Variants in IRS1 observed in about 807,000 individuals in gnomAD.
IRS1 encodes insulin receptor substrate 1.
A neutral mutation model predicts 65.6 loss-of-function variants in IRS1; 34 were observed. The observed-to-expected ratio is 0.52, with a 90% CI of 0.39 to 0.69. IRS1 has a LOEUF of 0.69. IRS1 is among the 30% of genes least tolerant of loss of function. IRS1 has a pLI of 0.00. For missense variants in IRS1, 1,641 were observed against 1,720.2 expected (o/e 0.95, Z 0.81); for synonymous variants, 699 against 683.5 (o/e 1.02, Z -0.35).
At position 226,799,036 on chromosome 2, in the gene IRS1, C is replaced by T. The variant is rs186741700; in HGVS notation, c.-298G>A. On this transcript the variant is annotated 5_prime_UTR_variant, in exon 1 of 2. Coordinates refer to ENST00000305123, the MANE Select transcript of IRS1 (RefSeq NM_005544.3). The surrounding 1 kb of genome is among the most constrained non-coding windows in gnomAD (Gnocchi z 6.1). Reference sequence around the variant, plus strand: ...TCCGAGAGCCAAGTCTCCTCTCAGCCGCCGCCGCCACCAGGAAGGAGCGAA... The same window carrying T: ...TCCGAGAGCCAAGTCTCCTCTCAGCTGCCGCCGCCACCAGGAAGGAGCGAA... The T allele has an allele frequency of 1.5e-4, 208 of 1,357,974 alleles. 4 individuals are homozygous for T. In the East Asian group the frequency reaches 2.1e-3, roughly 14 times the overall value. The allele number at this position is 1,357,974 out of a possible 1,614,324, so 84.1% of individuals were successfully genotyped here. A position where few individuals can be genotyped will look rare whatever the true frequency, so the allele number is the denominator to read the frequency against.
At chr2:226,767,498 A>C (rs772532999) in intron 1 of IRS1, among the ~76,000 whole-genome samples, 5 of 152,320 alleles carry the variant, frequency 3.3e-5, no homozygotes, top group Non-Finnish European at 7.4e-5. Context: ...GCCCTTAGCC[A>C]TTCTTTATAG....
At chr2:226,777,664 T>C (rs1939299722) in intron 1 of IRS1, among the ~76,000 whole-genome samples, 2 of 152,182 alleles carry the variant, frequency 1.3e-5, no homozygotes, top group Non-Finnish European at 2.9e-5. Flanking sequence ...CTCATGATAG[T>C]GAATGAGTCT....
intron 1 of IRS1, among the ~76,000 whole-genome samples, chr2:226,751,610 G>T (rs769584452): frequency 6.6e-6 from 1 of 151,990 alleles, no homozygotes; most frequent in Non-Finnish European, 1.5e-5. Context: ...CCTGCTTAGT[G>T]TTCAGGCTAA....
At chr2:226,738,143 C>T (rs536411453) in intron 1 of IRS1, among the ~76,000 whole-genome samples, 1 of 152,264 alleles carries the variant, frequency 6.6e-6, no homozygotes, top group South Asian at 2.1e-4. Flanking sequence ...GACATAAGGT[C>T]AAGATGTAGC....
In IRS1 at chr2:226,763,511, A is replaced by G. The variant is rs543858319; in HGVS notation, c.*22-27261T>C. Among the ~76,000 whole-genome samples, 37 of 152,266 alleles carry G rather than the reference A, an allele frequency of 2.4e-4. No homozygotes were observed. In the South Asian group the frequency reaches 7.5e-3, roughly 31 times the overall value. On this transcript the variant is annotated intron_variant, in intron 1 of 1. Coordinates refer to ENST00000305123, the MANE Select transcript of IRS1 (RefSeq NM_005544.3). ...TGAAAATGAAACGAGCAATCCAGGG[A>G]GCTTGAATTTCAAGGCTATTTTTTA...
intron 1 of IRS1, among the ~76,000 whole-genome samples, chr2:226,766,156 TATATATA>T (rs1368546769): frequency 5.2e-5 from 1 of 19,230 alleles, no homozygotes; most frequent in African/African-American, 1.8e-4. Context: ...TATATATATA[TATATATA>T]TTTTTTTTTT....
At chr2:226,779,944 T>G (rs535405973) in intron 1 of IRS1, among the ~76,000 whole-genome samples, 1 of 152,316 alleles carries the variant, frequency 6.6e-6, no homozygotes, top group East Asian at 1.9e-4. Flanking sequence ...ACTGGCAAAA[T>G]GGACTCATTT....
At position 226,798,181 on chromosome 2, in the gene IRS1, G is replaced by T; in HGVS notation, c.558C>A (p.Cys186Ter). 1 of 1,613,968 alleles carries T rather than the reference G, an allele frequency of 6.2e-7. No individual in the cohort carries two copies. Among genetic ancestry groups the T allele is most frequent in the Non-Finnish European group, 8.5e-7 (1 of 1,180,036 alleles). Residue 186 changes from cysteine (C) to a stop codon, truncating the protein, a stop_gained, in exon 1 of 2, where the codon TGC (cysteine) becomes TGA (stop). Coordinates refer to ENST00000305123, the MANE Select transcript of IRS1 (RefSeq NM_005544.3). LOFTEE classifies it high-confidence loss of function. The surrounding 1 kb of genome is among the most constrained non-coding windows in gnomAD (Gnocchi z 9.4). ...CGAAGCTGATGGTCTTGCTGGTCAGGCAAAGGCGGTAGATACCAATCAGGT... is the reference window on the plus strand; with the variant it reads ...CGAAGCTGATGGTCTTGCTGGTCAGTCAAAGGCGGTAGATACCAATCAGGT... ...TKNLIGIYRL[C>*]LTSKTISFVK...
Position 226,795,482 on chromosome 2 carries a change from T to C in IRS1, c.3257A>G (p.Lys1086Arg). ...CCCTTGTGGGTCTGCACGGATCACT[T>C]TGGCACTCTGGTTGCGGTTAGGACT... ...NLSPNRNQSA[K>R]VIRADPQGCR... Residue 1086 changes from lysine (K) to arginine (R), a missense_variant, in exon 1 of 2, where the codon AAA becomes AGA. Physicochemically the swap from Lys to Arg is conservative, Grantham distance 26. Around this residue, in one of 3 missense-constraint regions of IRS1, gnomAD observed 1,324 missense variants for 1,361.0 expected, o/e 0.97. Transcript: ENST00000305123. 2 of 1,613,456 alleles carry C rather than the reference T, an allele frequency of 1.2e-6. No individual in the cohort carries two copies. The highest frequency in any genetic ancestry group is 1.7e-6 in the Non-Finnish European group (2 of 1,179,996).
intron 1 of IRS1, among the ~76,000 whole-genome samples, chr2:226,755,324 A>T (rs1273450525): frequency 1.3e-5 from 2 of 152,240 alleles, no homozygotes; most frequent in Admixed American, 1.3e-4. Flanking sequence ...TCCACTTTTT[A>T]AAAATATTCC....
intron 1 of IRS1, among the ~76,000 whole-genome samples, chr2:226,746,377 G>A (rs894649268): frequency 6.6e-6 from 1 of 152,140 alleles, no homozygotes; most frequent in African/African-American, 2.4e-5. Flanking sequence ...ACAGGAGTGT[G>A]ATCTAGCCAG....
chr2:226,782,644 C>T lies in IRS1; in HGVS notation c.*21+12345G>A, dbSNP rs1366757. Among the ~76,000 whole-genome samples, 7 of 152,074 alleles carry T rather than the reference C, an allele frequency of 4.6e-5. No homozygotes were observed. The East Asian group carries it at 7.7e-4, about 17-fold the overall frequency. On this transcript the variant is annotated intron_variant, in intron 1 of 1. Transcript: ENST00000305123. ...AGTGGGAAGATATCCCCTGGCTCTG[C>T]GTTCCCTTCCAGTACCATATTTGCT...
intron 1 of IRS1, among the ~76,000 whole-genome samples, chr2:226,765,003 T>G (rs1387673902): frequency 6.6e-6 from 1 of 152,260 alleles, no homozygotes; most frequent in Non-Finnish European, 1.5e-5. Flanking sequence ...GAAAATCTAC[T>G]TATACTTCTA....
In IRS1 at chr2:226,797,299, G is replaced by T. The variant is rs79966905; in HGVS notation, c.1440C>A (p.Asn480Lys). The change falls in exon 1 of 2, where the codon AAC becomes AAA. Residue 480 changes from asparagine to lysine, a missense_variant. By Grantham distance (94) the Asn-to-Lys change is moderately conservative. Around this residue, in one of 3 missense-constraint regions of IRS1, gnomAD observed 1,324 missense variants for 1,361.0 expected, o/e 0.97. Coordinates refer to ENST00000305123, the MANE Select transcript of IRS1 (RefSeq NM_005544.3). The surrounding 1 kb of genome is among the most constrained non-coding windows in gnomAD (Gnocchi z 8.1). ...GKGPSTLTAP[N>K]GHYILSRGGN... ...CACCCCGAGACAAAATGTAGTGACCGTTGGGGGCGGTCAGGGTGGAGGGCC... is the reference window on the plus strand; with the variant it reads ...CACCCCGAGACAAAATGTAGTGACCTTTGGGGGCGGTCAGGGTGGAGGGCC... 1 of 1,613,546 alleles carries T rather than the reference G, an allele frequency of 6.2e-7. No individual in the cohort carries two copies. Among genetic ancestry groups the T allele is most frequent in the African/African-American group, 1.3e-5 (1 of 75,056 alleles).
At chr2:226,753,913 T>C (rs1938739730) in intron 1 of IRS1, among the ~76,000 whole-genome samples, 1 of 152,160 alleles carries the variant, frequency 6.6e-6, no homozygotes, top group South Asian at 2.1e-4. Context: ...AATGCAGTGG[T>C]GTGATCACGG....
intron 1 of IRS1, among the ~76,000 whole-genome samples, chr2:226,759,101 G>T (rs558564441): frequency 5.6e-4 from 86 of 152,274 alleles, no homozygotes; most frequent in Middle Eastern, 6.8e-3. Context: ...TGTGTCCGGG[G>T]CTGGTGCAAG....
chr2:226,793,335 T>C (rs951475276), intron 1 of IRS1, among the ~76,000 whole-genome samples: 2 of 152,242 alleles, frequency 1.3e-5, no homozygotes, highest in Non-Finnish European at 2.9e-5. Context: ...TGAGGCACTT[T>C]ATAATACAAA....
chr2:226,762,371 AAAGAG>A (rs976442926), intron 1 of IRS1, among the ~76,000 whole-genome samples: 6 of 152,056 alleles, frequency 3.9e-5, no homozygotes, highest in Non-Finnish European at 7.4e-5. Flanking sequence ...AAAAAAAAAA[AAAGAG>A]AGAGAGCAAA....
In IRS1 at chr2:226,796,332, T is replaced by C. The variant is rs1008997445; in HGVS notation, c.2407A>G (p.Thr803Ala). 6 of 1,613,338 alleles carry C rather than the reference T, an allele frequency of 3.7e-6. No homozygotes were observed. The highest frequency in any genetic ancestry group is 1.1e-5 in the South Asian group (1 of 91,090). The change falls in exon 1 of 2, where the codon ACA becomes GCA. Residue 803 changes from threonine to alanine, a missense_variant. Physicochemically the swap from Thr to Ala is moderately conservative, Grantham distance 58. Transcript: ENST00000305123. ...TSSGRLLYAA[T>A]ADDSSSSTSS... ...GTGGAAGAGGAAGAATCATCTGCTG[T>C]TGCAGCATAGAGAAGGCGACCAGAG...
Sources: allele counts gnomAD v4.1 joint callset (sites outside exome capture counted in the v4.1 genomes callset), GRCh38; gene constraint gnomAD v4.1.1; regional missense constraint gnomAD v4.1.1; non-coding constraint Gnocchi (gnomAD v3.1); transcripts MANE v1.5; gene names NCBI Gene and HGNC (gene_info 2026-07-23, HGNC 2026-07-21).